Variants in PYY observed in about 807,000 individuals in gnomAD.
The protein encoded by PYY is peptide YY.
Under a neutral mutation model 10.3 loss-of-function variants are expected in PYY, and 12 were observed. The observed-to-expected ratio is 1.17, with a 90% CI of 0.75 to 1.89. The LOEUF (loss-of-function observed/expected upper bound fraction) is 1.89. PYY is among the 40% of genes most tolerant of loss of function. PYY has a pLI of 0.00. For synonymous variants in PYY, 66 were observed against 62.0 expected, an observed-to-expected ratio of 1.06 and a Z score of -0.30; for missense variants, 141 against 134.0, an observed-to-expected ratio of 1.05 and a Z score of -0.26.
chr17:43,992,123 G>GAAA lies in PYY; in HGVS notation c.-463+12265_-463+12267dup, dbSNP rs11396568. ...CAACAGTGCAAGACTCTGTCTCAAA[G>GAAA]AAAAAAAAAAAAAAAAAAACCTTTA... On this transcript the variant is annotated intron_variant, in intron 1 of 6. Coordinates refer to the PYY transcript ENST00000360085. 3.5e-4 allele frequency among the ~76,000 whole-genome samples: 42 copies of GAAA among 120,482 alleles called. 1 individual carries two copies. Among genetic ancestry groups the GAAA allele is most frequent in the Admixed American group, 5.8e-4 (6 of 10,404 alleles). 79.0% of individuals were successfully genotyped at this position (120,482 alleles called of 152,430 possible).
At chr17:43,953,215 G>A (rs868431758) in intron 2 of PYY, 26 bp from the exon 3 acceptor site, 1 of 1,612,612 alleles carries the variant, frequency 6.2e-7, no homozygotes, top group Middle Eastern at 1.7e-4. Context: ...GGAAGAGCGT[G>A]GTCAGATCTG....
At position 43,976,726 on chromosome 17, in the gene PYY, C is replaced by T. The variant is rs535465672; in HGVS notation, c.-462-10194G>A. On this transcript the variant is annotated intron_variant, in intron 1 of 6. Coordinates refer to the PYY transcript ENST00000360085. ...GGTCAAGTTTGCAGTGAGCCAAGAT[C>T]ACGCCACTGCACTCCAGCCTCAGTG... Among the ~76,000 whole-genome samples the T allele has an allele frequency of 1.3e-3, 203 of 152,270 alleles. 3 individuals are homozygous for T. Among genetic ancestry groups the T allele is most frequent in the African/African-American group, 4.8e-3 (198 of 41,542 alleles).
chr17:43,989,246 C>T (rs1401924964), intron 1 of PYY, among the ~76,000 whole-genome samples: 9 of 151,912 alleles, frequency 5.9e-5, no homozygotes, highest in South Asian at 4.2e-4. Context: ...TGGTGGCGGG[C>T]GCCTGTAGTC....
At chr17:43,986,814 C>T (rs752568400) in intron 1 of PYY, among the ~76,000 whole-genome samples, 1 of 152,208 alleles carries the variant, frequency 6.6e-6, no homozygotes, top group African/African-American at 2.4e-5. Context: ...TTCTCAACAC[C>T]AGCTGTCACA....
At chr17:44,000,574 T>TC (rs1353918472) in intron 1 of PYY, among the ~76,000 whole-genome samples, 3 of 150,390 alleles carry the variant, frequency 2.0e-5, no homozygotes, top group Admixed American at 2.0e-4. Flanking sequence ...GCACTTTTTT[T>TC]TTTTTTTTTT....
upstream of PYY, among the ~76,000 whole-genome samples, chr17:43,957,196 C>A (rs1249953333): frequency 0.041 from 2,673 of 65,118 alleles, 71 homozygotes; most frequent in African/African-American, 0.083. Flanking sequence ...AAACTGTCTC[C>A]AAAAAAAAAA....
At chr17:43,978,227 A>G (rs2048860826) in intron 1 of PYY, among the ~76,000 whole-genome samples, 1 of 150,980 alleles carries the variant, frequency 6.6e-6, no homozygotes, top group Non-Finnish European at 1.5e-5. Context: ...AAGAGAGAGA[A>G]AGAAAGAAGA....
rs1021190533 is a variant in PYY, at chr17:43,987,287, T to C, written c.-463+17104A>G. On this transcript the variant is annotated intron_variant, in intron 1 of 6. Transcript: ENST00000360085. The surrounding 1 kb of genome is among the most constrained non-coding windows in gnomAD (Gnocchi z 4.0). ...TCTCTGACTTAATTACTTCTCCTCC[T>C]GGCTGTAATGAATGTTTCTGAGCCC... Among the ~76,000 whole-genome samples the C allele has an allele frequency of 3.9e-5, 6 of 152,290 alleles. No homozygotes were observed. Among genetic ancestry groups the C allele is most frequent in the Admixed American group, 6.5e-5 (1 of 15,296 alleles).
chr17:43,984,483 A>C (rs2143943173), intron 1 of PYY, among the ~76,000 whole-genome samples: 1 of 152,264 alleles, frequency 6.6e-6, no homozygotes, highest in South Asian at 2.1e-4. Context: ...ATCTGCTTTC[A>C]TTTTCCCAAC....
At chr17:43,988,919 C>T (rs921620338) in intron 1 of PYY, among the ~76,000 whole-genome samples, 7 of 151,886 alleles carry the variant, frequency 4.6e-5, no homozygotes, top group South Asian at 2.1e-4. Context: ...TGCACCAACA[C>T]ACCGGCTAAT....
rs2048924106 is a variant in PYY, at chr17:43,987,675, A to G, written c.-463+16716T>C. On this transcript the variant is annotated intron_variant, in intron 1 of 6. Coordinates refer to the PYY transcript ENST00000360085. The surrounding 1 kb of genome is among the most constrained non-coding windows in gnomAD (Gnocchi z 4.0). ...TCTTCCCTTTGTTCATCCAACCAAC[A>G]TTCACTGGGCCCCTCGTCTGTGCCA... 6.6e-6 allele frequency among the ~76,000 whole-genome samples: 1 copy of G among 152,228 alleles called. No homozygotes were observed. The highest frequency in any genetic ancestry group is 1.5e-5 in the Non-Finnish European group (1 of 68,040).
chr17:43,977,708 G>T (rs1034788891), intron 1 of PYY, among the ~76,000 whole-genome samples: 1 of 152,098 alleles, frequency 6.6e-6, no homozygotes, highest in Non-Finnish European at 1.5e-5. Context: ...TGCCACAGGG[G>T]TCTTCCCACT....
At chr17:43,961,631 C>T (rs531970215) in intron 2 of PYY, among the ~76,000 whole-genome samples, 1 of 152,268 alleles carries the variant, frequency 6.6e-6, no homozygotes, top group African/African-American at 2.4e-5. Context: ...ACCTCCGCCT[C>T]CTGGGTTCAA....
Position 43,976,148 on chromosome 17 carries a change from TAC to T in PYY, c.-462-9618_-462-9617del, listed in dbSNP as rs1392594433. Among the ~76,000 whole-genome samples, 94 of 129,086 alleles carry T rather than the reference TAC, an allele frequency of 7.3e-4. 6 individuals are homozygous for T. The highest frequency in any genetic ancestry group is 2.5e-3 in the African/African-American group (86 of 34,700). The allele number at this position is 129,086 out of a possible 152,430, so 84.7% of individuals were successfully genotyped here. On this transcript the variant is annotated intron_variant, in intron 1 of 6. Coordinates refer to the PYY transcript ENST00000360085. ...ATATATGTATACATATATGTATATA[TAC>T]ATATGTATACATGCATGCATATATG...
rs1255632821 is a variant in PYY at position 43,987,962 on chromosome 17, A to G, written c.-463+16429T>C. The stretch of plus-strand genomic sequence containing the variant: ...CAGTCCCCACGCCGGAAGTCCTCAC[A>G]GCAGTCTGCTCTGCATCCCTCCTAA... On this transcript the variant is annotated intron_variant, in intron 1 of 6. Coordinates refer to the PYY transcript ENST00000360085. This position sits in a 1 kb window ranked among gnomAD's most constrained non-coding sequence, Gnocchi z 4.0. Among the ~76,000 whole-genome samples, 1 of 152,200 alleles carries G rather than the reference A, an allele frequency of 6.6e-6. No homozygotes were observed. The highest frequency in any genetic ancestry group is 6.5e-5 in the Admixed American group (1 of 15,280).
upstream of PYY, among the ~76,000 whole-genome samples, chr17:43,957,133 G>A (rs2048677681): frequency 6.6e-6 from 1 of 151,526 alleles, no homozygotes; most frequent in Non-Finnish European, 1.5e-5. Context: ...AGGAGGCAGA[G>A]GTTGCAGTGA....
chr17:43,996,372 C>T (rs1327677656), intron 1 of PYY, among the ~76,000 whole-genome samples: 1 of 152,192 alleles, frequency 6.6e-6, no homozygotes, highest in Admixed American at 6.5e-5. Context: ...ATGAGAAACT[C>T]TGAACTAGAA....
intron 1 of PYY, among the ~76,000 whole-genome samples, chr17:43,999,319 G>A (rs919671622): frequency 7.9e-5 from 12 of 152,118 alleles, no homozygotes; most frequent in Admixed American, 6.6e-5. Flanking sequence ...GAGAACGAGA[G>A]GGAGGACCTG....
chr17:43,959,293 G>A (rs2048695909), intron 2 of PYY, among the ~76,000 whole-genome samples: 1 of 152,206 alleles, frequency 6.6e-6, no homozygotes, highest in African/African-American at 2.4e-5. Context: ...ATCAAAACAA[G>A]GGCTTCTCTA....
Sources: allele counts gnomAD v4.1 joint callset (sites outside exome capture counted in the v4.1 genomes callset), GRCh38; gene constraint gnomAD v4.1.1; non-coding constraint Gnocchi (gnomAD v3.1); transcripts MANE v1.5; gene names NCBI Gene and HGNC (gene_info 2026-07-23, HGNC 2026-07-21).